The following FAM163A variants were observed in gnomAD, a reference collection of about 807,000 sequenced individuals.
The protein encoded by FAM163A is family with sequence similarity 163 member A.
Under a neutral mutation model 12.0 loss-of-function variants are expected in FAM163A, and 7 were observed. The ratio of observed to expected loss-of-function variants is 0.58; its 90% confidence interval spans 0.33 to 1.10. FAM163A has a LOEUF of 1.10. Ranked by LOEUF, FAM163A falls within the 50% of genes least tolerant of loss-of-function variation. The pLI, the probability that FAM163A is intolerant of heterozygous loss-of-function variation, is 0.03. For synonymous variants in FAM163A, 101 were observed against 91.0 expected, an observed-to-expected ratio of 1.11 and a Z score of -0.62; for missense variants, 202 against 218.6, an observed-to-expected ratio of 0.92 and a Z score of 0.48.
At chr1:179,813,403 G>A (rs1694970670) in intron 4 of FAM163A, among the ~76,000 whole-genome samples, 1 of 152,198 alleles carries the variant, frequency 6.6e-6, no homozygotes, top group African/African-American at 2.4e-5. Flanking sequence ...CAGAAAGTGT[G>A]CTGGAAAGAT....
At chr1:179,773,721 G>T (rs1331653364) in intron 1 of FAM163A, among the ~76,000 whole-genome samples, 2 of 152,192 alleles carry the variant, frequency 1.3e-5, no homozygotes, top group Non-Finnish European at 2.9e-5. Context: ...TGCCGGGTTA[G>T]TGCTGTCTGC....
chr1:179,753,839 TGGAGCAC>T (rs1685623309), intron 1 of FAM163A, among the ~76,000 whole-genome samples: 1 of 152,158 alleles, frequency 6.6e-6, no homozygotes, highest in Non-Finnish European at 1.5e-5. Context: ...ATGATAATAT[TGGAGCAC>T]TTATTAACTG....
intron 1 of FAM163A, among the ~76,000 whole-genome samples, chr1:179,769,952 C>G (rs914883396): frequency 2.3e-5 from 3 of 128,932 alleles, no homozygotes; most frequent in Non-Finnish European, 4.6e-5. Flanking sequence ...GTCACCCAGG[C>G]TGGAGTGCAG....
chr1:179,772,814 T>C (rs1352931277), intron 1 of FAM163A, among the ~76,000 whole-genome samples: 4 of 151,766 alleles, frequency 2.6e-5, no homozygotes, highest in African/African-American at 4.9e-5. Context: ...TCCTAGAACA[T>C]GGCTTGCTCT....
At chr1:179,791,968 G>A (rs918431030) in intron 1 of FAM163A, among the ~76,000 whole-genome samples, 15 of 152,244 alleles carry the variant, frequency 9.9e-5, no homozygotes, top group African/African-American at 3.4e-4. Flanking sequence ...ACAGCATTTA[G>A]TAGTATTAAG....
rs1257808714 is a variant in FAM163A, at chr1:179,813,330, G to A, written c.93+140G>A. The A allele has an allele frequency of 9.4e-6, 8 of 849,530 alleles. No homozygotes were observed. The East Asian group carries it at 2.2e-4, about 23-fold the overall frequency. 52.6% of individuals were successfully genotyped at this position (849,530 alleles called of 1,614,324 possible). On this transcript the variant is annotated intron_variant, in intron 4 of 4. Coordinates refer to ENST00000341785, the MANE Select transcript of FAM163A (RefSeq NM_173509.3). ...AATGTAGCAGGCGTAAGTCAAGGAG[G>A]ATGGGAGTTGGGGCTGGTCGGAAGG...
At chr1:179,795,782 G>A (rs965977175) in intron 1 of FAM163A, among the ~76,000 whole-genome samples, 13 of 152,214 alleles carry the variant, frequency 8.5e-5, no homozygotes, top group African/African-American at 3.1e-4. Context: ...TCTGAAGAGT[G>A]TTTATCATTC....
intron 1 of FAM163A, among the ~76,000 whole-genome samples, chr1:179,793,135 T>G (rs76115132): frequency 0.014 from 2,176 of 152,200 alleles, 25 homozygotes; most frequent in African/African-American, 0.032. Context: ...CTATCCCCCA[T>G]CCTTTCTCTG....
chr1:179,787,207 C>T (rs1260180446), intron 1 of FAM163A, among the ~76,000 whole-genome samples: 1 of 152,222 alleles, frequency 6.6e-6, no homozygotes, highest in Non-Finnish European at 1.5e-5. Flanking sequence ...GCCCGAGGCT[C>T]CTCTTAATTT....
intron 1 of FAM163A, among the ~76,000 whole-genome samples, chr1:179,791,165 A>G (rs556202425): frequency 3.2e-4 from 49 of 152,158 alleles, no homozygotes; most frequent in Admixed American, 6.5e-4. Context: ...TAAACGTCCA[A>G]GAGAAAGGAA....
chr1:179,803,483 C>T (rs1693472243), intron 1 of FAM163A, among the ~76,000 whole-genome samples: 1 of 152,214 alleles, frequency 6.6e-6, no homozygotes. Context: ...GTGAGAGACC[C>T]ATTTCCCAGC....
At chr1:179,766,913 G>A (rs1182896903) in intron 1 of FAM163A, among the ~76,000 whole-genome samples, 5 of 151,964 alleles carry the variant, frequency 3.3e-5, no homozygotes, top group South Asian at 2.1e-4. Flanking sequence ...ATGCCACCAC[G>A]CTCGGCTAAT....
intron 1 of FAM163A, among the ~76,000 whole-genome samples, chr1:179,749,905 G>A (rs576453579): frequency 2.0e-5 from 3 of 152,224 alleles, no homozygotes; most frequent in East Asian, 1.9e-4. Context: ...GAGTTAAATC[G>A]AAGAGCACAG....
At chr1:179,804,374 TG>T (rs1693626294) in intron 1 of FAM163A, among the ~76,000 whole-genome samples, 2 of 152,330 alleles carry the variant, frequency 1.3e-5, no homozygotes, top group South Asian at 4.1e-4. Flanking sequence ...GGCTCTGTCC[TG>T]GGACCTCTAC....
chr1:179,785,172 C>A (rs1015628655), intron 1 of FAM163A, among the ~76,000 whole-genome samples: 1 of 152,190 alleles, frequency 6.6e-6, no homozygotes, highest in Non-Finnish European at 1.5e-5. Context: ...ACTCCCACCC[C>A]CCATTCCTCA....
At chr1:179,785,494 C>T (rs1690476064) in intron 1 of FAM163A, among the ~76,000 whole-genome samples, 1 of 152,128 alleles carries the variant, frequency 6.6e-6, no homozygotes, top group Non-Finnish European at 1.5e-5. Flanking sequence ...TCTGAGCCTC[C>T]AGCAGCCCAG....
chr1:179,774,746 A>T (rs1688715730), intron 1 of FAM163A, among the ~76,000 whole-genome samples: 1 of 152,154 alleles, frequency 6.6e-6, no homozygotes, highest in Non-Finnish European at 1.5e-5. Flanking sequence ...AGTCACGGCC[A>T]GGACAGCCTG....
intron 1 of FAM163A, among the ~76,000 whole-genome samples, chr1:179,753,764 T>A (rs1173350592): frequency 1.3e-5 from 2 of 151,864 alleles, no homozygotes; most frequent in Admixed American, 1.3e-4. Flanking sequence ...TATTTTAGAG[T>A]GCGTGTGATG....
intron 2 of FAM163A, among the ~76,000 whole-genome samples, chr1:179,811,480 G>T (rs137931826): frequency 6.6e-6 from 1 of 152,166 alleles, no homozygotes; most frequent in East Asian, 1.9e-4. Context: ...ACTCAATTGG[G>T]ACCTTGTTAA....
Sources: allele counts gnomAD v4.1 joint callset (sites outside exome capture counted in the v4.1 genomes callset), GRCh38; gene constraint gnomAD v4.1.1; transcripts MANE v1.5; gene names NCBI Gene and HGNC (gene_info 2026-07-23, HGNC 2026-07-21).